Variants in LSAMP observed in about 807,000 individuals in gnomAD.
The protein encoded by LSAMP is limbic system associated membrane protein.
LSAMP carries 7 observed loss-of-function variants against 38.6 expected under a neutral mutation model. That is an observed-to-expected ratio of 0.18 (90% confidence interval 0.10 to 0.34). LSAMP has a LOEUF of 0.34. Among genes scored for constraint, LSAMP ranks in the 10% least tolerant of loss-of-function variants. The pLI is 1.00. For missense variants in LSAMP, 313 were observed against 420.0 expected (o/e 0.75, Z 2.23); for synonymous variants, 154 against 166.8 (o/e 0.92, Z 0.59).
At chr3:115,968,740 G>A (rs994955832) in intron 3 of LSAMP, among the ~76,000 whole-genome samples, 5 of 152,160 alleles carry the variant, frequency 3.3e-5, no homozygotes, top group Admixed American at 3.3e-4. Flanking sequence ...AGTTCAGTGG[G>A]TCTGAGCTTA....
intron 2 of LSAMP, among the ~76,000 whole-genome samples, chr3:116,021,573 C>T (rs367818290): frequency 5.3e-5 from 8 of 152,230 alleles, no homozygotes; most frequent in African/African-American, 1.9e-4. Flanking sequence ...AATCCAAAAC[C>T]TATCATAGAA....
chr3:116,422,145 A>G (rs2049137151), intron 1 of LSAMP, among the ~76,000 whole-genome samples: 1 of 152,236 alleles, frequency 6.6e-6, no homozygotes, highest in South Asian at 2.1e-4. Flanking sequence ...ATGAATCTCA[A>G]AAACATTATG....
intron 2 of LSAMP, among the ~76,000 whole-genome samples, chr3:116,045,257 C>A (rs142496346): frequency 6.6e-6 from 1 of 152,142 alleles, no homozygotes; most frequent in East Asian, 1.9e-4. Context: ...CTAAATTCTG[C>A]ACTTTATTAT....
At chr3:116,231,520 A>T (rs2046402460) in intron 1 of LSAMP, among the ~76,000 whole-genome samples, 1 of 152,244 alleles carries the variant, frequency 6.6e-6, no homozygotes, top group Admixed American at 6.5e-5. Context: ...CCTAGTGTAT[A>T]TCTTAGGACT....
intron 2 of LSAMP, among the ~76,000 whole-genome samples, chr3:116,043,139 G>A (rs1265336686): frequency 6.6e-6 from 1 of 152,136 alleles, no homozygotes; most frequent in Non-Finnish European, 1.5e-5. Flanking sequence ...TCTTTGAGAT[G>A]CTGTTCCACT....
At position 116,098,876 on chromosome 3, in the gene LSAMP, G is replaced by C. The variant is rs79267628; in HGVS notation, c.156-12320C>G. 2.5e-3 allele frequency among the ~76,000 whole-genome samples: 386 copies of C among 152,294 alleles called. 1 individual carries two copies. The highest frequency in any genetic ancestry group is 8.9e-3 in the African/African-American group (371 of 41,560). ...GAACTTTAGAAAAATGGGAATAAAA[G>C]CAAGAGCTGATGAGTTTGAAATGAA... On this transcript the variant is annotated intron_variant, in intron 1 of 6. Coordinates refer to ENST00000490035, the MANE Select transcript of LSAMP (RefSeq NM_002338.5).
chr3:116,315,320 C>T (rs973911612), intron 1 of LSAMP, among the ~76,000 whole-genome samples: 2 of 152,204 alleles, frequency 1.3e-5, no homozygotes, highest in Non-Finnish European at 2.9e-5. Context: ...ACACTGTCTT[C>T]TTCCAAATCC....
chr3:116,352,422 C>G (rs2107767126), intron 1 of LSAMP, among the ~76,000 whole-genome samples: 1 of 152,166 alleles, frequency 6.6e-6, no homozygotes, highest in Middle Eastern at 3.4e-3. Flanking sequence ...CAAAGAGAAA[C>G]TGAAGGCAGC....
Position 116,125,973 on chromosome 3 carries a change from C to T in LSAMP, c.156-39417G>A, listed in dbSNP as rs548169883. ...GGAAAAAGAAATAATAAAATCTGGACTCAGTCTTCATTTCTAAGCTTCAGC... is the reference window on the plus strand; with the variant it reads ...GGAAAAAGAAATAATAAAATCTGGATTCAGTCTTCATTTCTAAGCTTCAGC... On this transcript the variant is annotated intron_variant, in intron 1 of 6. Coordinates refer to ENST00000490035, the MANE Select transcript of LSAMP (RefSeq NM_002338.5). Among the ~76,000 whole-genome samples, 6 of 152,308 alleles carry T rather than the reference C, an allele frequency of 3.9e-5. No homozygotes were observed. In the East Asian group the frequency reaches 9.6e-4, roughly 24 times the overall value.
intron 1 of LSAMP, among the ~76,000 whole-genome samples, chr3:116,410,783 T>C (rs9989972): frequency 0.19 from 29,335 of 152,040 alleles, 3,830 homozygotes; most frequent in African/African-American, 0.37. Context: ...AGAGATGGAA[T>C]TTTTCAGCTG....
chr3:115,933,074 C>T (rs1319563857), intron 3 of LSAMP, among the ~76,000 whole-genome samples: 1 of 152,116 alleles, frequency 6.6e-6, no homozygotes, highest in East Asian at 1.9e-4. Context: ...AGCTAGCAGT[C>T]AAGGAAGGTC....
At chr3:115,884,336 A>G (rs1936396856) in intron 3 of LSAMP, among the ~76,000 whole-genome samples, 1 of 152,078 alleles carries the variant, frequency 6.6e-6, no homozygotes, top group South Asian at 2.1e-4. Flanking sequence ...TATCTCGAGA[A>G]GAACAAATGG....
chr3:116,358,301 C>T (rs994202551), intron 1 of LSAMP, among the ~76,000 whole-genome samples: 8 of 152,248 alleles, frequency 5.3e-5, no homozygotes, highest in South Asian at 2.1e-4. Context: ...TTCATTTTTT[C>T]CTCAATGGAG....
chr3:116,017,935 A>C (rs1227725353), intron 3 of LSAMP, among the ~76,000 whole-genome samples: 4 of 152,132 alleles, frequency 2.6e-5, no homozygotes, highest in African/African-American at 9.7e-5. Flanking sequence ...TACTTGGGAC[A>C]GGGGTAGGTG....
rs34566307 is a variant in LSAMP, at chr3:116,285,539, AT to A, written c.155+159337del. ...ATGTAACTGCTCCTGAGAAATGTGT[AT>A]TTTTTTTTTTAAAGGATAGTTTCTA... On this transcript the variant is annotated intron_variant, in intron 1 of 6. Transcript: ENST00000490035. Among the ~76,000 whole-genome samples the A allele has an allele frequency of 6.5e-3, 959 of 148,328 alleles. 11 individuals carry two copies. Among genetic ancestry groups the A allele is most frequent in the East Asian group, 0.05 (253 of 5,030 alleles).
chr3:116,236,673 C>A (rs910257364), intron 1 of LSAMP, among the ~76,000 whole-genome samples: 1 of 152,052 alleles, frequency 6.6e-6, no homozygotes, highest in African/African-American at 2.4e-5. Flanking sequence ...TTGTACACTG[C>A]ATAATGCTTA....
In LSAMP at chr3:116,080,288, A is replaced by T. The variant is rs116643089; in HGVS notation, c.388+6036T>A. ...CTTCAAGTAACTTTCTTTTTCTTTC[A>T]TGAAGTCTATATTTTCATACTGAGC... On this transcript the variant is annotated intron_variant, in intron 2 of 6. Coordinates refer to ENST00000490035, the MANE Select transcript of LSAMP (RefSeq NM_002338.5). 2.5e-3 allele frequency among the ~76,000 whole-genome samples: 388 copies of T among 152,276 alleles called. 1 individual carries two copies. Among genetic ancestry groups the T allele is most frequent in the African/African-American group, 9.0e-3 (373 of 41,560 alleles).
chr3:116,243,893 A>T (rs1296606010), intron 1 of LSAMP, among the ~76,000 whole-genome samples: 1 of 152,196 alleles, frequency 6.6e-6, no homozygotes, highest in African/African-American at 2.4e-5. Context: ...TGTATTTCTA[A>T]ATTATTAATC....
At chr3:116,102,651 A>G (rs1040327542) in intron 1 of LSAMP, among the ~76,000 whole-genome samples, 3 of 152,184 alleles carry the variant, frequency 2.0e-5, no homozygotes, top group Admixed American at 2.0e-4. Flanking sequence ...CTGCCTTCAC[A>G]CTTGGACTTG....
Sources: allele counts gnomAD v4.1 joint callset (sites outside exome capture counted in the v4.1 genomes callset), GRCh38; gene constraint gnomAD v4.1.1; transcripts MANE v1.5; gene names NCBI Gene and HGNC (gene_info 2026-07-23, HGNC 2026-07-21).